Variants in AFG2A observed in about 807,000 individuals in gnomAD.
AFG2A encodes AAA ATPase AFG2A.
chr4:123,054,317 G>C, the AFG2A span, among the ~76,000 whole-genome samples: 31 of 151,920 alleles, frequency 2.0e-4, no homozygotes, highest in African/African-American at 7.5e-4. Context: ...TTTATTGTGG[G>C]CATATATGAG....
the AFG2A span, among the ~76,000 whole-genome samples, chr4:123,237,545 TG>T: frequency 4.6e-5 from 7 of 151,770 alleles, no homozygotes; most frequent in African/African-American, 1.7e-4. Context: ...TGGTGGTGCC[TG>T]CCTGTAATCA....
At chr4:123,226,196 C>T in the AFG2A span, among the ~76,000 whole-genome samples, 2 of 152,070 alleles carry the variant, frequency 1.3e-5, no homozygotes, top group African/African-American at 4.8e-5. Flanking sequence ...AATTGAATAC[C>T]CTTTATTTCC....
chr4:123,240,822 C>CA, the AFG2A span, among the ~76,000 whole-genome samples: 1 of 151,976 alleles, frequency 6.6e-6, no homozygotes, highest in Non-Finnish European at 1.5e-5. Flanking sequence ...AAAAACCCTT[C>CA]AAAAAATCAA....
At chr4:123,241,810 G>A in the AFG2A span, among the ~76,000 whole-genome samples, 4 of 152,274 alleles carry the variant, frequency 2.6e-5, no homozygotes, top group South Asian at 6.2e-4. Context: ...AGAAACAAAG[G>A]TTATTCAATT....
chr4:123,131,206 G>A, the AFG2A span, among the ~76,000 whole-genome samples: 2 of 151,998 alleles, frequency 1.3e-5, no homozygotes, highest in African/African-American at 4.8e-5. Flanking sequence ...TATTAACACT[G>A]TAGTTCACAG....
At chr4:123,041,842 A>C in the AFG2A span, among the ~76,000 whole-genome samples, 2 of 152,178 alleles carry the variant, frequency 1.3e-5, no homozygotes, top group Admixed American at 6.5e-5. Context: ...ACAGTTTTTC[A>C]AAAAGATTAA....
At chr4:122,965,992 AAGT>A in the AFG2A span, among the ~76,000 whole-genome samples, 2 of 152,160 alleles carry the variant, frequency 1.3e-5, no homozygotes, top group Non-Finnish European at 2.9e-5. Context: ...GTCTTATTTA[AAGT>A]TGTGCCTGAG....
chr4:123,267,129 T>A, the AFG2A span, among the ~76,000 whole-genome samples: 1 of 152,056 alleles, frequency 6.6e-6, no homozygotes, highest in African/African-American at 2.4e-5. Flanking sequence ...TAGAATGTTA[T>A]TAAACTTTAT....
At chr4:123,052,623 G>A in the AFG2A span, among the ~76,000 whole-genome samples, 2,164 of 152,302 alleles carry the variant, frequency 0.014, 56 homozygotes, top group African/African-American at 0.05. Flanking sequence ...AGCCAACTGA[G>A]TATTGTGTTT....
At chr4:123,299,985 A>G in the AFG2A span, among the ~76,000 whole-genome samples, 2 of 152,162 alleles carry the variant, frequency 1.3e-5, no homozygotes, top group Non-Finnish European at 2.9e-5. Flanking sequence ...AACTCTTTGC[A>G]TATCTGTGGC....
At chr4:123,011,378 A>G in the AFG2A span, among the ~76,000 whole-genome samples, 1 of 152,216 alleles carries the variant, frequency 6.6e-6, no homozygotes, top group East Asian at 1.9e-4. Flanking sequence ...AATGGTTTGA[A>G]CTTATGACCC....
the AFG2A span, among the ~76,000 whole-genome samples, chr4:122,981,090 G>A: frequency 2.6e-5 from 4 of 151,986 alleles, no homozygotes; most frequent in Non-Finnish European, 2.9e-5. Context: ...ATGCCATAAG[G>A]CTTTTCCTTA....
At chr4:123,235,851 T>C in the AFG2A span, among the ~76,000 whole-genome samples, 1 of 152,214 alleles carries the variant, frequency 6.6e-6, no homozygotes, top group African/African-American at 2.4e-5. Flanking sequence ...ATAAATATTG[T>C]TACCTCCACG....
chr4:122,954,882 C>T, the AFG2A span, among the ~76,000 whole-genome samples: 1 of 152,192 alleles, frequency 6.6e-6, no homozygotes, highest in Non-Finnish European at 1.5e-5. Flanking sequence ...GTGTTCTGTA[C>T]TCATACATTG....
the AFG2A span, among the ~76,000 whole-genome samples, chr4:123,311,423 C>T: frequency 1.6e-3 from 246 of 151,584 alleles, no homozygotes; most frequent in African/African-American, 5.6e-3. Flanking sequence ...GTCAGGAGAT[C>T]GAGACCATCC....
chr4:123,180,994 T>A, the AFG2A span, among the ~76,000 whole-genome samples: 3 of 149,674 alleles, frequency 2.0e-5, no homozygotes, highest in African/African-American at 7.3e-5. Context: ...TTTTTTTTTT[T>A]TTTTATTTGA....
chr4:123,167,029 G>A, the AFG2A span, among the ~76,000 whole-genome samples: 2 of 151,680 alleles, frequency 1.3e-5, no homozygotes, highest in South Asian at 4.2e-4. Flanking sequence ...CTCAATATGG[G>A]GAGAATAAAA....
At chr4:123,006,125 A>T in the AFG2A span, among the ~76,000 whole-genome samples, 1 of 151,130 alleles carries the variant, frequency 6.6e-6, no homozygotes, top group Non-Finnish European at 1.5e-5. Flanking sequence ...TAATATCTGA[A>T]AACGTATTTT....
chr4:123,020,350 A>T, the AFG2A span, among the ~76,000 whole-genome samples: 1 of 151,846 alleles, frequency 6.6e-6, no homozygotes, highest in Non-Finnish European at 1.5e-5. Context: ...ATTTTTGAAA[A>T]TACATATATG....
Sources: allele counts gnomAD v4.1 joint callset (sites outside exome capture counted in the v4.1 genomes callset), GRCh38; gene constraint gnomAD v4.1.1; transcripts MANE v1.5; gene names NCBI Gene and HGNC (gene_info 2026-07-23, HGNC 2026-07-21).